TASP1: variants seen among roughly 807,000 people sequenced by gnomAD.
The protein encoded by TASP1 is taspase 1, also known as threonine aspartase 1.
Under a neutral mutation model 56.6 loss-of-function variants are expected in TASP1, and 16 were observed. The observed-to-expected ratio is 0.28, with a 90% CI of 0.19 to 0.43. The LOEUF (loss-of-function observed/expected upper bound fraction) is 0.43. TASP1 is among the 20% of genes least tolerant of loss of function. The pLI, the probability that TASP1 is intolerant of heterozygous loss-of-function variation, is 1.00. For missense variants in TASP1, 393 were observed against 511.6 expected (o/e 0.77, Z 2.24); for synonymous variants, 179 against 184.2 (o/e 0.97, Z 0.23).
chr20:13,221,936 G>A, the TASP1 span: 1 of 1,317,018 alleles, frequency 7.6e-7, no homozygotes, highest in Non-Finnish European at 9.6e-7. Context: ...GCCGGAGAGG[G>A]CCGTGCGCGG....
At chr20:13,542,197 C>T (rs1381150855) in intron 8 of TASP1, among the ~76,000 whole-genome samples, 1 of 151,860 alleles carries the variant, frequency 6.6e-6, no homozygotes, top group African/African-American at 2.4e-5. Context: ...GAAGAAAAAA[C>T]GATACACCAA....
At chr20:13,193,097 C>T in the TASP1 span, among the ~76,000 whole-genome samples, 28 of 151,986 alleles carry the variant, frequency 1.8e-4, no homozygotes, top group East Asian at 1.7e-3. Flanking sequence ...AAAATTTTTT[C>T]GGTATAATTA....
At chr20:13,442,107 T>C (rs1480949346) in intron 11 of TASP1, among the ~76,000 whole-genome samples, 1 of 152,156 alleles carries the variant, frequency 6.6e-6, no homozygotes, top group Non-Finnish European at 1.5e-5. Context: ...GGGCCCACTG[T>C]TGTGAACTGT....
At chr20:13,185,249 A>G in the TASP1 span, among the ~76,000 whole-genome samples, 1 of 152,144 alleles carries the variant, frequency 6.6e-6, no homozygotes, top group Non-Finnish European at 1.5e-5. Flanking sequence ...TGTTTTGGGG[A>G]AACTAGGCCA....
chr20:13,124,689 C>T, the TASP1 span, among the ~76,000 whole-genome samples: 1 of 152,106 alleles, frequency 6.6e-6, no homozygotes, highest in Non-Finnish European at 1.5e-5. Flanking sequence ...TAACCTTCAC[C>T]GACCACTGTA....
chr20:13,199,052 T>C, the TASP1 span, among the ~76,000 whole-genome samples: 1 of 150,118 alleles, frequency 6.7e-6, no homozygotes. Flanking sequence ...ACCACAGGCA[T>C]GTGCCACCAT....
chr20:13,192,571 A>G, the TASP1 span, among the ~76,000 whole-genome samples: 1 of 152,008 alleles, frequency 6.6e-6, no homozygotes, highest in Non-Finnish European at 1.5e-5. Context: ...CACACATGAC[A>G]CACAATGCTG....
At chr20:13,601,320 C>T (rs759758112) in intron 4 of TASP1, among the ~76,000 whole-genome samples, 1 of 151,690 alleles carries the variant, frequency 6.6e-6, no homozygotes, top group Non-Finnish European at 1.5e-5. Context: ...TCTTATACTA[C>T]CAGAAAGGAA....
chr20:13,309,770 TA>T, the TASP1 span, among the ~76,000 whole-genome samples: 46 of 151,860 alleles, frequency 3.0e-4, no homozygotes, highest in Admixed American at 9.8e-4. Context: ...AAAATTAACA[TA>T]AAAAAATCAG....
intron 11 of TASP1, among the ~76,000 whole-genome samples, chr20:13,483,023 T>C (rs1221265217): frequency 6.6e-6 from 1 of 152,190 alleles, no homozygotes; most frequent in East Asian, 1.9e-4. Flanking sequence ...GCTTGGGGAT[T>C]AGCTTAGTTA....
the TASP1 span, among the ~76,000 whole-genome samples, chr20:13,190,449 T>C: frequency 2.0e-5 from 3 of 152,148 alleles, no homozygotes; most frequent in African/African-American, 7.2e-5. Context: ...CCAACCAATT[T>C]CCAACAAAGG....
chr20:13,445,284 T>G (rs2043366021), intron 11 of TASP1, among the ~76,000 whole-genome samples: 1 of 152,174 alleles, frequency 6.6e-6, no homozygotes. Context: ...ATGTACCTAA[T>G]ACTGTACTAG....
the TASP1 span, among the ~76,000 whole-genome samples, chr20:13,282,162 CG>C: frequency 6.6e-6 from 1 of 151,906 alleles, no homozygotes; most frequent in African/African-American, 2.4e-5. Context: ...TTTTCAATCC[CG>C]ATGCCTAGAC....
chr20:13,572,463 C>T (rs1413779761), intron 6 of TASP1, among the ~76,000 whole-genome samples: 1 of 152,140 alleles, frequency 6.6e-6, no homozygotes, highest in Non-Finnish European at 1.5e-5. Context: ...GCAAGTGGAT[C>T]ACTTGAGGTC....
intron 12 of TASP1, among the ~76,000 whole-genome samples, chr20:13,430,144 C>T (rs1277264516): frequency 1.3e-5 from 2 of 152,142 alleles, no homozygotes; most frequent in South Asian, 2.1e-4. Flanking sequence ...CTGATGAAAA[C>T]CAAAACCCAA....
intron 2 of TASP1, among the ~76,000 whole-genome samples, chr20:13,627,679 A>C (rs1405214161): frequency 6.7e-6 from 1 of 149,618 alleles, no homozygotes; most frequent in East Asian, 2.0e-4. Context: ...AAGCTTGCAG[A>C]GTGAGCCAAG....
the TASP1 span, among the ~76,000 whole-genome samples, chr20:13,297,071 A>G: frequency 1.4e-4 from 21 of 152,266 alleles, no homozygotes; most frequent in African/African-American, 4.8e-4. Context: ...CTGATCAATC[A>G]GTGAGGACAA....
chr20:13,372,739 G>A, the TASP1 span, among the ~76,000 whole-genome samples: 3 of 150,808 alleles, frequency 2.0e-5, no homozygotes, highest in African/African-American at 7.3e-5. Flanking sequence ...TGCATTGTCA[G>A]TATCTCTAGT....
intron 8 of TASP1, among the ~76,000 whole-genome samples, chr20:13,537,238 A>G (rs539128032): frequency 1.3e-5 from 2 of 152,318 alleles, no homozygotes; most frequent in Admixed American, 1.3e-4. Flanking sequence ...ACATGGATTT[A>G]CTGTAACTTC....
Sources: allele counts gnomAD v4.1 joint callset (sites outside exome capture counted in the v4.1 genomes callset), GRCh38; gene constraint gnomAD v4.1.1; transcripts MANE v1.5; gene names NCBI Gene and HGNC (gene_info 2026-07-23, HGNC 2026-07-21).